Variants in MBD5 observed in about 807,000 individuals in gnomAD.
MBD5 encodes the protein methyl-CpG binding domain protein 5.
MBD5 carries 13 observed loss-of-function variants against 117.3 expected under a neutral mutation model. That is an observed-to-expected ratio of 0.11 (90% confidence interval 0.07 to 0.18). MBD5 has a LOEUF of 0.18. Ranked by LOEUF, MBD5 falls within the 10% of genes least tolerant of loss-of-function variation. The probability of loss-of-function intolerance (pLI) is 1.00; values close to 1 mark genes in which losing one functional copy is unlikely to be tolerated. For missense variants in MBD5, 1,879 were observed against 2,093.8 expected, an observed-to-expected ratio of 0.90 and a Z score of 2.00; for synonymous variants, 727 against 766.4, an observed-to-expected ratio of 0.95 and a Z score of 0.85.
intron 4 of MBD5, among the ~76,000 whole-genome samples, chr2:148,437,711 AG>A (rs1161391653): frequency 6.6e-6 from 1 of 152,060 alleles, no homozygotes; most frequent in African/African-American, 2.4e-5. Flanking sequence ...ACAGTCACAT[AG>A]GTGAAACAGT....
At chr2:148,361,063 T>G (rs1703518859) in intron 4 of MBD5, among the ~76,000 whole-genome samples, 1 of 152,064 alleles carries the variant, frequency 6.6e-6, no homozygotes, top group African/African-American at 2.4e-5. Context: ...AGTGCTGGGT[T>G]GGGGCCAGGC....
chr2:148,349,558 T>C (rs1163408798), intron 4 of MBD5, among the ~76,000 whole-genome samples: 1 of 151,974 alleles, frequency 6.6e-6, no homozygotes, highest in Non-Finnish European at 1.5e-5. Flanking sequence ...AACGTGTTAA[T>C]GACGGAGAAG....
chr2:148,385,513 A>G (rs1234367434), intron 4 of MBD5, among the ~76,000 whole-genome samples: 3 of 152,060 alleles, frequency 2.0e-5, no homozygotes, highest in East Asian at 1.9e-4. Context: ...CTGTTGGTGG[A>G]ACTGTAAACT....
intron 6 of MBD5, among the ~76,000 whole-genome samples, chr2:148,463,149 G>C (rs1462886128): frequency 6.6e-6 from 1 of 152,038 alleles, no homozygotes; most frequent in African/African-American, 2.4e-5. Flanking sequence ...ATGTAAAATG[G>C]TAAAATATTA....
intron 4 of MBD5, among the ~76,000 whole-genome samples, chr2:148,451,647 A>G (rs1316939789): frequency 6.6e-6 from 1 of 152,184 alleles, no homozygotes; most frequent in Non-Finnish European, 1.5e-5. Context: ...TTCCCTCTCC[A>G]CAATAGTAAT....
At chr2:148,334,110 G>T (rs529087704) in intron 3 of MBD5, among the ~76,000 whole-genome samples, 1 of 151,958 alleles carries the variant, frequency 6.6e-6, no homozygotes, top group Non-Finnish European at 1.5e-5. Flanking sequence ...AACCAAGTTT[G>T]TTCATAGTCT....
At chr2:148,154,286 C>A (rs879114934) in intron 1 of MBD5, among the ~76,000 whole-genome samples, 5 of 152,060 alleles carry the variant, frequency 3.3e-5, no homozygotes, top group African/African-American at 1.2e-4. Context: ...GCAGTCTGCC[C>A]GTTCTCAGAT....
chr2:148,503,744 C>G (rs189279612), intron 12 of MBD5, among the ~76,000 whole-genome samples: 1 of 152,144 alleles, frequency 6.6e-6, no homozygotes, highest in East Asian at 1.9e-4. Context: ...GGATCAAGGT[C>G]CCTTCTACTC....
chr2:148,141,599 G>A (rs1697315074), intron 1 of MBD5, among the ~76,000 whole-genome samples: 1 of 152,022 alleles, frequency 6.6e-6, no homozygotes, highest in African/African-American at 2.4e-5. Context: ...TATATCCACA[G>A]GCAGAGCTTT....
intron 1 of MBD5, among the ~76,000 whole-genome samples, chr2:148,098,702 G>A (rs1000572173): frequency 2.1e-4 from 32 of 152,080 alleles, no homozygotes; most frequent in African/African-American, 6.5e-4. Context: ...CAGAAGTCCC[G>A]TGGTGATTCT....
At chr2:148,045,913 G>A (rs1694512111) in intron 1 of MBD5, among the ~76,000 whole-genome samples, 1 of 150,304 alleles carries the variant, frequency 6.7e-6, no homozygotes, top group Admixed American at 6.6e-5. Context: ...ACACAATCAT[G>A]GTTCACACTA....
intron 3 of MBD5, among the ~76,000 whole-genome samples, chr2:148,317,163 AT>A (rs1486679744): frequency 2.6e-5 from 4 of 152,208 alleles, no homozygotes; most frequent in African/African-American, 4.8e-5. Context: ...AGCCTGACCA[AT>A]ATGGAGAAAC....
chr2:148,292,357 A>G (rs1164199701), intron 3 of MBD5, among the ~76,000 whole-genome samples: 1 of 152,248 alleles, frequency 6.6e-6, no homozygotes, highest in African/African-American at 2.4e-5. Flanking sequence ...AGGAGCTCAT[A>G]AACTTTACAG....
intron 1 of MBD5, chr2:148,028,127 T>G (rs918661317): frequency 6.6e-6 from 1 of 152,092 alleles, no homozygotes; most frequent in Non-Finnish European, 1.5e-5. Context: ...AAATTTTGAT[T>G]TGTATCCTTA....
At chr2:148,215,500 GTTTGTT>G (rs764459766) in intron 2 of MBD5, among the ~76,000 whole-genome samples, 27 of 152,060 alleles carry the variant, frequency 1.8e-4, no homozygotes, top group Non-Finnish European at 3.2e-4. Flanking sequence ...TTGTTTGTTT[GTTTGTT>G]TTTGTTTTTG....
At chr2:148,090,254 C>G (rs1052110833) in intron 1 of MBD5, among the ~76,000 whole-genome samples, 1 of 152,064 alleles carries the variant, frequency 6.6e-6, no homozygotes, top group Non-Finnish European at 1.5e-5. Flanking sequence ...TGAATTTTAT[C>G]AAGCATTCAA....
At chr2:148,197,794 G>GTTTTTTTTTTTTTTT (rs56029734) in intron 2 of MBD5, among the ~76,000 whole-genome samples, 11 of 102,552 alleles carry the variant, frequency 1.1e-4, no homozygotes, top group East Asian at 3.0e-4. Context: ...AGCATCTGAG[G>GTTTTTTTTTTTTTTT]TTTTTTTTTT....
chr2:148,480,682 G>T (rs1385197293), intron 8 of MBD5, among the ~76,000 whole-genome samples: 3 of 152,076 alleles, frequency 2.0e-5, no homozygotes, highest in African/African-American at 7.2e-5. Flanking sequence ...GCAGTTAAAT[G>T]TTTAAGGTTT....
chr2:148,308,491 C>CTTT (rs60650324), intron 3 of MBD5, among the ~76,000 whole-genome samples: 33 of 66,804 alleles, frequency 4.9e-4, no homozygotes, highest in East Asian at 1.6e-3. Context: ...GGGGTTCTTT[C>CTTT]TTTTTTTTTT....
Sources: gnomAD v4.1 joint callset for allele counts (sites outside exome capture counted in the v4.1 genomes callset) on GRCh38, gnomAD v4.1.1 for gene constraint, MANE v1.5 for transcripts, NCBI Gene and HGNC (gene_info 2026-07-23, HGNC 2026-07-21) for gene names.